The following ANO3 variants were observed in gnomAD, a reference collection of about 807,000 sequenced individuals.
ANO3 encodes the protein anoctamin 3, also known as anoctamin-3.
A neutral mutation model predicts 144.8 loss-of-function variants in ANO3; 99 were observed. The ratio of observed to expected loss-of-function variants is 0.68; its 90% CI spans 0.58 to 0.81. ANO3 has a LOEUF of 0.81. ANO3 is among the 30% of genes least tolerant of loss of function. ANO3 has a pLI of 0.00. For missense variants in ANO3, 905 were observed against 1,202.2 expected (o/e 0.75, Z 3.66); for synonymous variants, 414 against 392.6 (o/e 1.05, Z -0.64).
intron 1 of ANO3, among the ~76,000 whole-genome samples, chr11:26,245,916 C>T (rs1327114809): frequency 2.0e-5 from 3 of 152,162 alleles, no homozygotes; most frequent in African/African-American, 7.2e-5. Flanking sequence ...TATATCTGTC[C>T]AGATGGGTTG....
intron 1 of ANO3, among the ~76,000 whole-genome samples, chr11:26,257,312 T>A (rs1853082267): frequency 1.3e-5 from 2 of 152,092 alleles, no homozygotes; most frequent in South Asian, 4.1e-4. Context: ...GGAGGCTTGA[T>A]GATATCATAC....
chr11:26,449,707 G>C (rs1183707558), intron 3 of ANO3, among the ~76,000 whole-genome samples: 2 of 151,816 alleles, frequency 1.3e-5, no homozygotes, highest in Admixed American at 6.6e-5. Context: ...TCTATATAGA[G>C]TATTTAAAGG....
chr11:26,559,835 TACACACACACACACACACACAC>T, intron 14 of ANO3, 56 bp downstream of exon 14: 8 of 660,908 alleles, frequency 1.2e-5, no homozygotes, highest in South Asian at 5.3e-5. Flanking sequence ...GTTTCTGTGT[TACACACACACACACACACACAC>T]ACACACACAC....
chr11:26,203,381 G>C (rs1028062066), intron 1 of ANO3, among the ~76,000 whole-genome samples: 14 of 152,114 alleles, frequency 9.2e-5, no homozygotes, highest in African/African-American at 3.4e-4. Context: ...GCATAAGGTA[G>C]AGCAACAGGA....
At chr11:26,642,342 C>CTTTTTTTTTTTT (rs576729432) in intron 22 of ANO3, among the ~76,000 whole-genome samples, 15 of 93,052 alleles carry the variant, frequency 1.6e-4, no homozygotes, top group East Asian at 6.5e-4. Flanking sequence ...TTCTTTCTTT[C>CTTTTTTTTTTTT]TTTTTTTTTT....
intron 4 of ANO3, among the ~76,000 whole-genome samples, chr11:26,481,742 G>A (rs866541826): frequency 2.0e-5 from 3 of 152,120 alleles, no homozygotes; most frequent in South Asian, 2.1e-4. Flanking sequence ...GGGAAAGAAT[G>A]TCTATAAACA....
chr11:26,481,072 C>G (rs1236923604), intron 4 of ANO3, among the ~76,000 whole-genome samples: 1 of 151,800 alleles, frequency 6.6e-6, no homozygotes, highest in African/African-American at 2.4e-5. Flanking sequence ...CACTGAAAAA[C>G]TTAGAAAAGT....
At chr11:26,586,793 G>A (rs994101985) in intron 14 of ANO3, among the ~76,000 whole-genome samples, 2 of 141,666 alleles carry the variant, frequency 1.4e-5, no homozygotes, top group African/African-American at 2.5e-5. Context: ...GAGCCACCAC[G>A]CCCGGCCTCT....
chr11:26,622,132 A>G (rs1276168147), intron 17 of ANO3, among the ~76,000 whole-genome samples: 1 of 152,194 alleles, frequency 6.6e-6, no homozygotes, highest in Non-Finnish European at 1.5e-5. Flanking sequence ...AGTCAGCCAT[A>G]GCATTTGGGC....
At chr11:26,612,384 G>A (rs948413397) in intron 17 of ANO3, among the ~76,000 whole-genome samples, 1 of 150,310 alleles carries the variant, frequency 6.7e-6, no homozygotes, top group African/African-American at 2.4e-5. Flanking sequence ...AAATACCATA[G>A]GCTCTTTCCC....
At position 26,194,462 on chromosome 11, in the gene ANO3, G is replaced by A. The variant is rs984948349; in HGVS notation, c.154+5132G>A. Among the ~76,000 whole-genome samples the A allele has an allele frequency of 4.7e-4, 70 of 150,428 alleles. 2 individuals are homozygous for A. In the East Asian group the frequency reaches 7.0e-3, roughly 15 times the overall value. On this transcript the variant is annotated intron_variant, in intron 1 of 27. Transcript: ENST00000672621. ...GTGGTGTGTGTGTGTGTGTGTGTGT[G>A]TGTGTGTGTGTGTGTGTGTGTGTGT... is the stretch of plus-strand genomic sequence containing the variant.
chr11:26,543,513 G>A (rs554858043), intron 11 of ANO3, among the ~76,000 whole-genome samples: 3 of 151,972 alleles, frequency 2.0e-5, no homozygotes, highest in Admixed American at 6.6e-5. Context: ...CAACGTGCAG[G>A]TTTGTTACAT....
At chr11:26,245,366 T>C (rs1376271990) in intron 1 of ANO3, among the ~76,000 whole-genome samples, 1 of 152,218 alleles carries the variant, frequency 6.6e-6, no homozygotes, top group Non-Finnish European at 1.5e-5. Context: ...CAACAAAATT[T>C]TAACCAATAC....
At chr11:26,651,626 T>G in intron 24 of ANO3, among the ~76,000 whole-genome samples, 1 of 152,258 alleles carries the variant, frequency 6.6e-6, no homozygotes, top group South Asian at 2.1e-4. Context: ...TAAATTATTT[T>G]TGTTTTTAAA....
intron 1 of ANO3, among the ~76,000 whole-genome samples, chr11:26,248,549 A>G (rs1465005290): frequency 3.3e-5 from 5 of 152,160 alleles, no homozygotes; most frequent in African/African-American, 7.2e-5. Flanking sequence ...ATTCATTACA[A>G]CAAAAGACAA....
intron 4 of ANO3, among the ~76,000 whole-genome samples, chr11:26,483,719 G>T (rs1860323816): frequency 6.6e-6 from 1 of 152,168 alleles, no homozygotes; most frequent in Non-Finnish European, 1.5e-5. Context: ...GAAAATTGGT[G>T]CTGGGAGGTG....
At chr11:26,546,864 A>G (rs1447181295) in intron 11 of ANO3, among the ~76,000 whole-genome samples, 1 of 151,942 alleles carries the variant, frequency 6.6e-6, no homozygotes, top group Non-Finnish European at 1.5e-5. Context: ...ATTACCATAC[A>G]TTTTTGTAAG....
chr11:26,461,619 G>T (rs530469092), intron 3 of ANO3, among the ~76,000 whole-genome samples: 1 of 152,128 alleles, frequency 6.6e-6, no homozygotes, highest in Admixed American at 6.6e-5. Flanking sequence ...GCATATCAGG[G>T]TTGTTTAATA....
At chr11:26,268,789 T>G (rs148061313) in intron 1 of ANO3, among the ~76,000 whole-genome samples, 1 of 152,084 alleles carries the variant, frequency 6.6e-6, no homozygotes, top group Admixed American at 6.5e-5. Context: ...ACTGACAACA[T>G]AGTTTTCTTA....
Sources: gnomAD v4.1 joint callset for allele counts (sites outside exome capture counted in the v4.1 genomes callset) on GRCh38, gnomAD v4.1.1 for gene constraint, MANE v1.5 for transcripts, NCBI Gene and HGNC (gene_info 2026-07-23, HGNC 2026-07-21) for gene names.